The following PCDHGB1 variants were observed in gnomAD, a reference collection of about 807,000 sequenced individuals.
The protein encoded by PCDHGB1 is protocadherin gamma-B1.
In PCDHGB1, 34 loss-of-function variants were observed where a neutral mutation model predicts 56.6. The observed-to-expected ratio is 0.60, with a 90% CI of 0.46 to 0.80. PCDHGB1 has a LOEUF of 0.80. Among genes scored for constraint, PCDHGB1 ranks in the 30% least tolerant of loss-of-function variants. The pLI is 0.00. For synonymous variants in PCDHGB1, 561 were observed against 505.9 expected, an observed-to-expected ratio of 1.11 and a Z score of -1.46; for missense variants, 1,278 against 1,204.6, an observed-to-expected ratio of 1.06 and a Z score of -0.90.
At chr5:141,506,444 CAAA>C (rs1219684339) in intron 3 of PCDHGB1, among the ~76,000 whole-genome samples, 12 of 95,004 alleles carry the variant, frequency 1.3e-4, no homozygotes, top group Admixed American at 3.3e-4. Context: ...CGCTCTGTCT[CAAA>C]AAAAAAAAAA....
intron 1 of PCDHGB1, chr5:141,372,091 C>T (rs767361394): frequency 1.2e-6 from 2 of 1,613,774 alleles, no homozygotes; most frequent in South Asian, 2.2e-5. Flanking sequence ...CTGTACCCAG[C>T]TCTGGGGCCC....
At chr5:141,419,348 G>A (rs1195474899) in intron 1 of PCDHGB1, 1 of 1,613,816 alleles carries the variant, frequency 6.2e-7, no homozygotes, top group Non-Finnish European at 8.5e-7. Context: ...CAGCGACCTG[G>A]AGTCACGAAC....
intron 1 of PCDHGB1, among the ~76,000 whole-genome samples, chr5:141,397,380 A>G (rs1469821900): frequency 1.7e-4 from 26 of 152,236 alleles, no homozygotes; most frequent in Non-Finnish European, 3.8e-4. Flanking sequence ...GGGGATTGGT[A>G]TAAAATTGCC....
Position 141,494,770 on chromosome 5 carries a change from C to T in PCDHGB1, c.2410-37C>T, listed in dbSNP as rs767006872. 43 of 1,614,022 alleles carry T rather than the reference C, an allele frequency of 2.7e-5. No homozygotes were observed. In the East Asian group the frequency reaches 7.6e-4, roughly 28 times the overall value. On this transcript the variant is annotated intron_variant, in intron 1 of 3. Coordinates refer to ENST00000523390, the MANE Select transcript of PCDHGB1 (RefSeq NM_018922.3). ...GCTCGGGTGACATTCTAACTTCTCA[C>T]GGGTACTCAGCCCCTTTCCCTCTGT...
intron 1 of PCDHGB1, chr5:141,421,189 C>T: frequency 1.4e-6 from 2 of 1,477,674 alleles, no homozygotes; most frequent in South Asian, 2.7e-5. Flanking sequence ...CACAACCAAC[C>T]AGCTCGAGAA....
chr5:141,365,576 T>G, intron 1 of PCDHGB1: 1 of 1,613,666 alleles, frequency 6.2e-7, no homozygotes, highest in Non-Finnish European at 8.5e-7. Flanking sequence ...AGAAGAGACT[T>G]CAGATTATAA....
chr5:141,478,941 A>G (rs889484528), intron 1 of PCDHGB1: 2 of 589,470 alleles, frequency 3.4e-6, no homozygotes, highest in Non-Finnish European at 5.6e-6. Context: ...TTCTAGGAAT[A>G]CAAAAACTAC....
rs2092610841 is a variant in PCDHGB1 at position 141,392,842 on chromosome 5, G to C, written c.2409+40173G>C. 6.2e-7 allele frequency: 1 copy of C among 1,609,194 alleles called. No homozygotes were observed. The highest frequency in any genetic ancestry group is 8.5e-7 in the Non-Finnish European group (1 of 1,177,812). On this transcript the variant is annotated intron_variant, in intron 1 of 3. Transcript: ENST00000523390. ...GCCGCTCCACAGAGTCGCCCCAGACGCGGCGAGCTGATCCTGCTGTGCGCG... is the reference window on the plus strand; with the variant it reads ...GCCGCTCCACAGAGTCGCCCCAGACCCGGCGAGCTGATCCTGCTGTGCGCG...
At chr5:141,427,352 G>A (rs982774903) in intron 1 of PCDHGB1, 3 of 457,474 alleles carry the variant, frequency 6.6e-6, no homozygotes, top group African/African-American at 6.0e-5. Flanking sequence ...CTGTAACTGA[G>A]GACGCAGAAC....
At chr5:141,470,034 C>T (rs1209263598) in intron 1 of PCDHGB1, among the ~76,000 whole-genome samples, 2 of 152,086 alleles carry the variant, frequency 1.3e-5, no homozygotes, top group Non-Finnish European at 2.9e-5. Flanking sequence ...GATGCTGAGG[C>T]GCGAGAACTG....
intron 1 of PCDHGB1, chr5:141,427,842 C>A: frequency 6.5e-7 from 1 of 1,549,268 alleles, no homozygotes. Flanking sequence ...TGCCTTCGAC[C>A]ACGAGCAGCT....
chr5:141,416,449 G>A (rs938389094), intron 1 of PCDHGB1: 1 of 152,138 alleles, frequency 6.6e-6, no homozygotes, highest in Non-Finnish European at 1.5e-5. Context: ...AATATGGGTT[G>A]GGAAGACAGA....
intron 1 of PCDHGB1, among the ~76,000 whole-genome samples, chr5:141,463,539 C>T (rs1408887405): frequency 6.7e-6 from 1 of 148,606 alleles, no homozygotes; most frequent in Admixed American, 6.8e-5. Context: ...AACTCCGGCT[C>T]CCGGGTTCAT....
intron 1 of PCDHGB1, among the ~76,000 whole-genome samples, chr5:141,407,257 T>C (rs1325198387): frequency 1.3e-5 from 2 of 152,240 alleles, no homozygotes; most frequent in Non-Finnish European, 2.9e-5. Context: ...CTCATATTTT[T>C]AACCATGCAA....
chr5:141,374,065 AG>A, intron 1 of PCDHGB1: 1 of 1,497,724 alleles, frequency 6.7e-7, no homozygotes, highest in Non-Finnish European at 8.9e-7. Context: ...ATCCCAGAGA[AG>A]TTCCTAATAA....
At chr5:141,461,013 C>G (rs981329088) in intron 1 of PCDHGB1, among the ~76,000 whole-genome samples, 2 of 148,522 alleles carry the variant, frequency 1.3e-5, no homozygotes, top group Non-Finnish European at 3.0e-5. Flanking sequence ...ATATATATAC[C>G]ACATTTTCTT....
rs11410533 is a variant in PCDHGB1, at chr5:141,429,387, TA to T, written c.2410-65412del. ...AAATGGAGAAAATGTGTTTTTTTTT[TA>T]AAAAAAATTGAGATTAAGGTCTCAT... On this transcript the variant is annotated intron_variant, in intron 1 of 3. Transcript: ENST00000523390. Among the ~76,000 whole-genome samples, 10 of 151,446 alleles carry T rather than the reference TA, an allele frequency of 6.6e-5. No individual in the cohort carries two copies. In the South Asian group the frequency reaches 1.0e-3, roughly 16 times the overall value.
chr5:141,471,630 G>T (rs2099261496), intron 1 of PCDHGB1: 1 of 152,108 alleles, frequency 6.6e-6, no homozygotes, highest in African/African-American at 2.4e-5. Context: ...GCATTGGTAT[G>T]GATTAGTAAT....
Position 141,512,594 on chromosome 5 carries a change from G to C in PCDHGB1, c.*1421G>C, listed in dbSNP as rs981124898. On this transcript the variant is annotated 3_prime_UTR_variant, in exon 4 of 4. Transcript: ENST00000523390. ...CACCCCCTTCTGCCCCTGGGTCCCC[G>C]GCCATCCAGCGGGGCTGCCAGAGAA... 1 of 152,812 alleles carries C rather than the reference G, an allele frequency of 6.5e-6. No homozygotes were observed. The highest frequency in any genetic ancestry group is 6.5e-5 in the Admixed American group (1 of 15,280). The allele number at this position is 152,812 out of a possible 1,614,324, so 9.5% of individuals were successfully genotyped here. A position where few individuals can be genotyped will look rare whatever the true frequency, so the allele number is the denominator to read the frequency against.
Sources: allele counts gnomAD v4.1 joint callset (sites outside exome capture counted in the v4.1 genomes callset), GRCh38; gene constraint gnomAD v4.1.1; transcripts MANE v1.5; gene names NCBI Gene and HGNC (gene_info 2026-07-23, HGNC 2026-07-21).